LIPE: variants seen among roughly 807,000 people sequenced by gnomAD.
LIPE encodes the protein lipase E, hormone sensitive type, also known as hormone-sensitive lipase.
In LIPE, 66 loss-of-function variants were observed where a neutral mutation model predicts 88.5. The observed-to-expected ratio is 0.75, with a 90% CI of 0.61 to 0.91. LIPE has a LOEUF of 0.91. LIPE is among the 40% of genes least tolerant of loss of function. The pLI is 0.00. For missense variants in LIPE, 1,346 were observed against 1,434.7 expected, an observed-to-expected ratio of 0.94 and a Z score of 1.00; for synonymous variants, 570 against 617.5, an observed-to-expected ratio of 0.92 and a Z score of 1.14.
Position 42,410,543 on chromosome 19 carries a change from C to T in LIPE, c.1183G>A (p.Ala395Thr). Residue 395 changes from alanine to threonine, a missense_variant, in exon 2 of 10, where the codon GCC becomes ACC. Transcript: ENST00000244289. The surrounding 1 kb of genome is among the most constrained non-coding windows in gnomAD (Gnocchi z 6.1). ...AHLLHKSRYV[A>T]SNRRSIFFRT... ...AAGAAGATGCTGCGGCGGTTGGAGGCCACATAGCGGGATTTGTGCAGGAGG... is the reference window on the plus strand; with the variant it reads ...AAGAAGATGCTGCGGCGGTTGGAGGTCACATAGCGGGATTTGTGCAGGAGG... The T allele has an allele frequency of 6.2e-7, 1 of 1,612,616 alleles. No homozygotes were observed. The highest frequency in any genetic ancestry group is 8.5e-7 in the Non-Finnish European group (1 of 1,179,952).
At chr19:42,402,109 G>A (rs1470122044) in intron 9 of LIPE, 34 bp from the exon 10 acceptor site, 2 of 1,440,076 alleles carry the variant, frequency 1.4e-6, no homozygotes, top group Non-Finnish European at 1.8e-6. Flanking sequence ...TGGAGAGAGG[G>A]TGGGGGACAG....
intron 1 of LIPE, chr19:42,425,242 C>G (rs943743274): frequency 3.9e-5 from 6 of 154,130 alleles, no homozygotes; most frequent in African/African-American, 1.4e-4. Context: ...CTGGGACTTA[C>G]GCCCGTGTCT....
chr19:42,411,173 A>G (rs1337430380), intron 1 of LIPE: 3 of 337,058 alleles, frequency 8.9e-6, no homozygotes, highest in Middle Eastern at 1.4e-3. Flanking sequence ...AGCCCCTGCT[A>G]TCACCTCTTT....
Position 42,426,814 on chromosome 19 carries a change from G to T in LIPE, c.336C>A (p.Ala112=). 1 of 1,614,114 alleles carries T rather than the reference G, an allele frequency of 6.2e-7. No homozygotes were observed. Among genetic ancestry groups the T allele is most frequent in the Non-Finnish European group, 8.5e-7 (1 of 1,180,000 alleles). The change falls in exon 1 of 10, where the codon GCC becomes GCA. Residue 112 remains alanine (A), a synonymous_variant. Coordinates refer to ENST00000244289, the MANE Select transcript of LIPE (RefSeq NM_005357.4). ...QRVLLTQQEA[A]SQQGPGLGKE... ...TTCCTAGCCCAGGTCCCTGCTGGGA[G>T]GCAGCTTCCTGTTGAGTGAGCAGCA...
chr19:42,420,578 C>T (rs1168834586), intron 1 of LIPE, among the ~76,000 whole-genome samples: 1 of 151,920 alleles, frequency 6.6e-6, no homozygotes, highest in East Asian at 1.9e-4. Context: ...TCCTGGCCAC[C>T]TCCCCACCCC....
rs1274769644 is a variant in LIPE, at chr19:42,407,835, C to G, written c.1657-44G>C. 2 of 1,546,762 alleles carry G rather than the reference C, an allele frequency of 1.3e-6. No individual in the cohort carries two copies. Among genetic ancestry groups the G allele is most frequent in the Non-Finnish European group, 1.7e-6 (2 of 1,146,396 alleles). ...AGGGGTGCTAGGGAAGGTCTGCCTG[C>G]AGGGGTGCCCTTCACCTCTCCCTCT... is the stretch of plus-strand genomic sequence containing the variant. On this transcript the variant is annotated intron_variant, in intron 4 of 9. Transcript: ENST00000244289. The surrounding 1 kb of genome is among the most constrained non-coding windows in gnomAD (Gnocchi z 5.8).
intron 1 of LIPE, among the ~76,000 whole-genome samples, chr19:42,417,851 C>T (rs928996442): frequency 2.0e-5 from 3 of 151,952 alleles, no homozygotes; most frequent in Admixed American, 6.6e-5. Context: ...GACCCTCCCC[C>T]TCTACAAAAA....
chr19:42,407,928 C>T lies in LIPE; in HGVS notation c.1656+48G>A. The T allele has an allele frequency of 6.3e-7, 1 of 1,594,608 alleles. No homozygotes were observed. The highest frequency in any genetic ancestry group is 8.5e-7 in the Non-Finnish European group (1 of 1,172,096). ...GCCCCACAGAGACCTACTGTGGCCTCAGATGAGTCTCTGGGCCTCAGTGTC... is the reference window on the plus strand; with the variant it reads ...GCCCCACAGAGACCTACTGTGGCCTTAGATGAGTCTCTGGGCCTCAGTGTC... On this transcript the variant is annotated intron_variant, in intron 4 of 9. Coordinates refer to ENST00000244289, the MANE Select transcript of LIPE (RefSeq NM_005357.4). The surrounding 1 kb of genome is among the most constrained non-coding windows in gnomAD (Gnocchi z 5.8).
At chr19:42,402,127 G>A (rs779612199) in intron 9 of LIPE, 52 bp from the exon 10 acceptor site, 1 of 1,412,466 alleles carries the variant, frequency 7.1e-7, no homozygotes, top group Non-Finnish European at 9.3e-7. Context: ...CAGACAGACC[G>A]GGGTCGGGTA....
At chr19:42,423,766 C>T (rs1355369802) in intron 1 of LIPE, 5 of 1,109,716 alleles carry the variant, frequency 4.5e-6, no homozygotes, top group Admixed American at 9.9e-5. Context: ...TTAAAGGGCT[C>T]GCGGCCAACA....
At chr19:42,420,915 T>C (rs111620940) in intron 1 of LIPE, among the ~76,000 whole-genome samples, 1 of 151,792 alleles carries the variant, frequency 6.6e-6, no homozygotes, top group African/African-American at 2.4e-5. Flanking sequence ...CTCTCTCTCT[T>C]TTTGAGACAA....
chr19:42,409,482 C>G lies in LIPE; in HGVS notation c.1419+825G>C, dbSNP rs368772086. Among the ~76,000 whole-genome samples the G allele has an allele frequency of 1.9e-4, 29 of 151,380 alleles. No individual in the cohort carries two copies. The East Asian group carries it at 3.7e-3, about 19-fold the overall frequency. ...ATAGGAGGCCAAGGCAAGGGATTGG[C>G]GGGTTCTTCTGTTCACTCTGTACTG... On this transcript the variant is annotated intron_variant, in intron 2 of 9. Coordinates refer to ENST00000244289, the MANE Select transcript of LIPE (RefSeq NM_005357.4).
chr19:42,423,279 C>T (rs1411597862), intron 1 of LIPE: 2 of 517,980 alleles, frequency 3.9e-6, no homozygotes, highest in African/African-American at 4.1e-5. Context: ...TGGATCATCC[C>T]GTTGTCCCCG....
At chr19:42,412,316 TG>T in intron 1 of LIPE, 1 of 985,814 alleles carries the variant, frequency 1.0e-6, no homozygotes, top group Non-Finnish European at 1.2e-6. Flanking sequence ...TTCTAGGTCC[TG>T]GGGCCTGGCA....
At chr19:42,425,088 A>G (rs531353425) in intron 1 of LIPE, 4 of 196,862 alleles carry the variant, frequency 2.0e-5, no homozygotes, top group South Asian at 8.1e-5. Flanking sequence ...TGAGTCCCCT[A>G]TGGAGGCAGC....
chr19:42,407,549 G>A lies in LIPE; in HGVS notation c.1842+57C>T. The stretch of plus-strand genomic sequence containing the variant: ...ACCCCTCCATGGGGATGCCAAGGTG[G>A]GGGCTGCCCACGCTCCTCGGCTCTG... On this transcript the variant is annotated intron_variant, in intron 5 of 9. Coordinates refer to ENST00000244289, the MANE Select transcript of LIPE (RefSeq NM_005357.4). This position sits in a 1 kb window ranked among gnomAD's most constrained non-coding sequence, Gnocchi z 5.8. 6.3e-7 allele frequency: 1 copy of A among 1,576,016 alleles called. No individual in the cohort carries two copies. The highest frequency in any genetic ancestry group is 8.6e-7 in the Non-Finnish European group (1 of 1,157,858).
chr19:42,422,172 C>T lies in LIPE; in HGVS notation c.883+4095G>A, dbSNP rs148419890. 2.1e-3 allele frequency among the ~76,000 whole-genome samples: 315 copies of T among 152,308 alleles called. 2 individuals are homozygous for T. The highest frequency in any genetic ancestry group is 3.5e-3 in the Non-Finnish European group (239 of 68,030). On this transcript the variant is annotated intron_variant, in intron 1 of 9. Transcript: ENST00000244289. ...GGTGGGGACTAACAGTAACAATAAC[C>T]TTCACTTCTCCTGAGGGTTTGCTGC...
At chr19:42,422,416 A>C (rs1408967251) in intron 1 of LIPE, among the ~76,000 whole-genome samples, 2 of 152,180 alleles carry the variant, frequency 1.3e-5, no homozygotes, top group Non-Finnish European at 2.9e-5. Context: ...TGTGAGGCTC[A>C]GTGTCTTGCT....
At position 42,406,339 on chromosome 19, in the gene LIPE, G is replaced by T; in HGVS notation, c.2187C>A (p.Asn729Lys). ...ICLAGDSAGG[N>K]LCFTVALRAA... ...CCCGAAGAGCCACGGTGAAGCAGAG[G>T]TTCCCGCCTGCACTGTCCCCCGCAA... The change falls in exon 7 of 10, where the codon AAC (asparagine) becomes AAA (lysine). Residue 729 changes from asparagine to lysine, a missense_variant. Asn to Lys is a moderately conservative substitution (Grantham distance 94). Coordinates refer to ENST00000244289, the MANE Select transcript of LIPE (RefSeq NM_005357.4). This position sits in a 1 kb window ranked among gnomAD's most constrained non-coding sequence, Gnocchi z 5.7. 1 of 1,614,204 alleles carries T rather than the reference G, an allele frequency of 6.2e-7. No homozygotes were observed. Among genetic ancestry groups the T allele is most frequent in the Non-Finnish European group, 8.5e-7 (1 of 1,180,032 alleles).
Sources: gnomAD v4.1 joint callset for allele counts (sites outside exome capture counted in the v4.1 genomes callset) on GRCh38, gnomAD v4.1.1 for gene constraint, Gnocchi (gnomAD v3.1) non-coding constraint, MANE v1.5 for transcripts, NCBI Gene and HGNC (gene_info 2026-07-23, HGNC 2026-07-21) for gene names.